The following ZEB2 variants were observed in gnomAD, a reference collection of about 807,000 sequenced individuals.
ZEB2 encodes zinc finger E-box binding homeobox 2, also known as zinc finger E-box-binding homeobox 2.
A neutral mutation model predicts 99.9 loss-of-function variants in ZEB2; 6 were observed. The observed-to-expected ratio is 0.06, with a 90% CI of 0.03 to 0.12. The LOEUF is 0.12. Among genes scored for constraint, ZEB2 ranks in the 10% least tolerant of loss-of-function variants. ZEB2 has a pLI of 1.00. For missense variants in ZEB2, 969 were observed against 1,502.8 expected, an observed-to-expected ratio of 0.64 and a Z score of 5.87; for synonymous variants, 517 against 542.5, an observed-to-expected ratio of 0.95 and a Z score of 0.65.
rs1262378044 is a variant in ZEB2, at chr2:144,419,772, A to G, written c.403+5024T>C. On this transcript the variant is annotated intron_variant, in intron 4 of 9. Coordinates refer to ENST00000627532, the MANE Select transcript of ZEB2 (RefSeq NM_014795.4). ...TTTATCTTACGTGTGAAAGCATTAC[A>G]ATTTTGTTCCTTTTTTAAAAAAAAA... Among the ~76,000 whole-genome samples, 3 of 152,298 alleles carry G rather than the reference A, an allele frequency of 2.0e-5. No homozygotes were observed. In the East Asian group the frequency reaches 5.8e-4, roughly 29 times the overall value.
At chr2:144,502,087 G>A (rs1012773213) in intron 2 of ZEB2, among the ~76,000 whole-genome samples, 3 of 152,190 alleles carry the variant, frequency 2.0e-5, no homozygotes, top group African/African-American at 7.2e-5. Flanking sequence ...GCTTAGGGCA[G>A]GTAGAAATGT....
chr2:144,429,880 C>T lies in ZEB2; in HGVS notation c.220G>A (p.Val74Met), dbSNP rs767169568. The change falls in exon 3 of 10, where the codon GTG becomes ATG. Residue 74 changes from valine (V) to methionine (M), a missense_variant. By Grantham distance (21) the Val-to-Met change is conservative. Coordinates refer to ENST00000627532, the MANE Select transcript of ZEB2 (RefSeq NM_014795.4). ...SVPNHESSPHVSQALLPREEE... is the reference protein window; with the variant it reads ...SVPNHESSPHMSQALLPREEE... ...TCTCTTGGCAACAGAGCTTGGCTCA[C>T]GTGTGGGGAGGACTCATGGTTGGGC... 9.9e-6 allele frequency: 16 copies of T among 1,613,814 alleles called. No individual in the cohort carries two copies. The highest frequency in any genetic ancestry group is 1.7e-4 in the Middle Eastern group (1 of 6,060).
At chr2:144,483,629 T>C (rs1382443059) in intron 2 of ZEB2, among the ~76,000 whole-genome samples, 4 of 152,184 alleles carry the variant, frequency 2.6e-5, no homozygotes, top group Non-Finnish European at 5.9e-5. Flanking sequence ...GAGTGGGAGA[T>C]GTGAAAAAAT....
Position 144,429,929 on chromosome 2 carries a change from G to A in ZEB2, c.171C>T (p.Asp57=). 1 of 1,613,718 alleles carries A rather than the reference G, an allele frequency of 6.2e-7. No individual in the cohort carries two copies. The highest frequency in any genetic ancestry group is 1.1e-5 in the South Asian group (1 of 91,074). Reference sequence around the variant, plus strand: ...GCACACTAGCTGGACTCGTCTCCTGGTCCAGAGGGTTGGCAATACCGTCAT... The same window carrying A: ...GCACACTAGCTGGACTCGTCTCCTGATCCAGAGGGTTGGCAATACCGTCAT... ...AEDDGIANPL[D]QETSPASVPN... The change falls in exon 3 of 10, where the codon GAC becomes GAT. Residue 57 remains aspartate, a synonymous_variant. Transcript: ENST00000627532.
At chr2:144,414,667 C>T (rs1048126857) in intron 4 of ZEB2, among the ~76,000 whole-genome samples, 1 of 152,178 alleles carries the variant, frequency 6.6e-6, no homozygotes, top group African/African-American at 2.4e-5. Context: ...CAAAGTTGCA[C>T]AAGTAATTTC....
Position 144,387,706 on chromosome 2 carries a change from AC to A in ZEB2, c.*1744del, listed in dbSNP as rs1703104384. The stretch of plus-strand genomic sequence containing the variant: ...CCTTGGACAGAGAAGTGAATTTTTA[AC>A]ACATAATCTCTAAATACTCGTAATG... On this transcript the variant is annotated 3_prime_UTR_variant, in exon 10 of 10. Coordinates refer to ENST00000627532, the MANE Select transcript of ZEB2 (RefSeq NM_014795.4). 1.3e-5 allele frequency: 2 copies of A among 152,206 alleles called. No homozygotes were observed. Among genetic ancestry groups the A allele is most frequent in the Admixed American group, 1.3e-4 (2 of 15,278 alleles). The allele number at this position is 152,206 out of a possible 1,614,324, so 9.4% of individuals were successfully genotyped here. A position where few individuals can be genotyped will look rare whatever the true frequency, so the allele number is the denominator to read the frequency against.
Position 144,389,557 on chromosome 2 carries a change from C to T in ZEB2, c.3539G>A (p.Arg1180Gln). ...GTGATCTCCAGTCTCTTCTTCATCT[C>T]GTATCGTTTCGGGATCCGTATCCAT... ...KSMDTDPETIRDEEETGDHSM... is the reference protein window; with the variant it reads ...KSMDTDPETIQDEEETGDHSM... Residue 1180 changes from arginine to glutamine, a missense_variant, in exon 10 of 10, where the codon CGA becomes CAA. Physicochemically the swap from Arg to Gln is conservative, Grantham distance 43. Transcript: ENST00000627532. This position sits in a 1 kb window ranked among gnomAD's most constrained non-coding sequence, Gnocchi z 6.8. 1.2e-6 allele frequency: 2 copies of T among 1,614,162 alleles called. No individual in the cohort carries two copies. The highest frequency in any genetic ancestry group is 1.1e-5 in the South Asian group (1 of 91,084).
At chr2:144,503,517 C>A (rs1704904011) in intron 2 of ZEB2, 1 of 152,084 alleles carries the variant, frequency 6.6e-6, no homozygotes, top group Admixed American at 6.6e-5. Flanking sequence ...GCTTATTCGA[C>A]CCCCAAGTCT....
intron 2 of ZEB2, among the ~76,000 whole-genome samples, chr2:144,503,351 T>C (rs1466520150): frequency 6.6e-6 from 1 of 152,246 alleles, no homozygotes; most frequent in African/African-American, 2.4e-5. Context: ...AATATGCACA[T>C]GGATGATGCC....
At chr2:144,451,987 T>C (rs772826676) in intron 2 of ZEB2, among the ~76,000 whole-genome samples, 17 of 152,290 alleles carry the variant, frequency 1.1e-4, no homozygotes, top group Admixed American at 2.6e-4. Context: ...TGTTTGATAG[T>C]TGTGGGAGAG....
chr2:144,513,166 C>T (rs1443478021), intron 2 of ZEB2: 29 of 1,285,922 alleles, frequency 2.3e-5, no homozygotes, highest in African/African-American at 3.0e-5. Context: ...ATCTCTGAAA[C>T]GGGAGCAACT....
In ZEB2 at chr2:144,400,122, A is replaced by G; in HGVS notation, c.1065T>C (p.Asn355=). Residue 355 remains asparagine (N), a synonymous_variant, in exon 8 of 10, where the codon AAT becomes AAC. Coordinates refer to ENST00000627532, the MANE Select transcript of ZEB2 (RefSeq NM_014795.4). ...RNNIKTGSSP[N]SVSSSPTNSA... ...AATTAGTAGGAGAAGAAGAAACAGA[A>G]TTAGGGGAAGAACCCGTCTTGATAT... 1.2e-6 allele frequency: 2 copies of G among 1,614,034 alleles called. No homozygotes were observed. The highest frequency in any genetic ancestry group is 1.7e-6 in the Non-Finnish European group (2 of 1,179,882).
chr2:144,389,952 A>G lies in ZEB2; in HGVS notation c.3144T>C (p.Leu1048=), dbSNP rs1294329877. The G allele has an allele frequency of 1.9e-6, 3 of 1,609,508 alleles. No individual in the cohort carries two copies. The highest frequency in any genetic ancestry group is 2.5e-6 in the Non-Finnish European group (3 of 1,180,024). The change falls in exon 10 of 10, where the codon CTT becomes CTC. Residue 1048 remains leucine (L), a synonymous_variant. Coordinates refer to ENST00000627532, the MANE Select transcript of ZEB2 (RefSeq NM_014795.4). This position sits in a 1 kb window ranked among gnomAD's most constrained non-coding sequence, Gnocchi z 6.8. ...ACTGATAGGGCTTCTCGCCCGAGTG[A>G]AGCCTTGAGTGCTCGATAAGGTGGT... ...HKHHLIEHSR[L]HSGEKPYQCD...
In ZEB2 at chr2:144,389,002, T is replaced by C. The variant is rs1023927713; in HGVS notation, c.*449A>G. The C allele has an allele frequency of 2.4e-5, 10 of 417,610 alleles. No homozygotes were observed. Among genetic ancestry groups the C allele is most frequent in the Non-Finnish European group, 3.1e-5 (7 of 222,692 alleles). 25.9% of individuals were successfully genotyped at this position (417,610 alleles called of 1,614,324 possible). ...ACAGAGGAATCATAATACTGATGCA[T>C]TGTAGTGCGAGCACATTAAATTAAA... On this transcript the variant is annotated 3_prime_UTR_variant, in exon 10 of 10. Coordinates refer to ENST00000627532, the MANE Select transcript of ZEB2 (RefSeq NM_014795.4). The surrounding 1 kb of genome is among the most constrained non-coding windows in gnomAD (Gnocchi z 6.8).
chr2:144,503,539 A>G (rs1346007922), intron 2 of ZEB2: 1 of 152,178 alleles, frequency 6.6e-6, no homozygotes, highest in Non-Finnish European at 1.5e-5. Context: ...GTTGGAAAGT[A>G]AGGAGGATTT....
At chr2:144,510,687 C>CCTCT (rs34688250) in intron 2 of ZEB2, among the ~76,000 whole-genome samples, 1,921 of 147,958 alleles carry the variant, frequency 0.013, 21 homozygotes, top group South Asian at 0.036. Context: ...CTACCCTGTG[C>CCTCT]CTCTCTCTCT....
intron 2 of ZEB2, among the ~76,000 whole-genome samples, chr2:144,455,874 A>G (rs576623197): frequency 7.9e-5 from 12 of 152,222 alleles, no homozygotes; most frequent in African/African-American, 2.6e-4. Flanking sequence ...AGTATATCTC[A>G]AGGTAGGTTA....
chr2:144,513,113 TGGAGAAGG>T (rs1560658229), intron 2 of ZEB2: 103 of 1,286,242 alleles, frequency 8.0e-5, no homozygotes, highest in Non-Finnish European at 9.7e-5. Context: ...AGGCACCTCC[TGGAGAAGG>T]GGTTGACTGC....
chr2:144,402,441 G>A (rs1190135933), intron 6 of ZEB2, among the ~76,000 whole-genome samples: 2 of 152,116 alleles, frequency 1.3e-5, no homozygotes, highest in East Asian at 1.9e-4. Flanking sequence ...CCCGCCGAGC[G>A]CCATTGAGGG....
Sources: allele counts gnomAD v4.1 joint callset (sites outside exome capture counted in the v4.1 genomes callset), GRCh38; gene constraint gnomAD v4.1.1; non-coding constraint Gnocchi (gnomAD v3.1); transcripts MANE v1.5; gene names NCBI Gene and HGNC (gene_info 2026-07-23, HGNC 2026-07-21).